The following FAAH2 variants were observed in gnomAD, a reference collection of about 807,000 sequenced individuals.
FAAH2 encodes the protein fatty-acid amide hydrolase 2.
A neutral mutation model predicts 36.9 loss-of-function variants in FAAH2; 60 were observed. The ratio of observed to expected loss-of-function variants is 1.63; its 90% CI spans 1.32 to 2.02. The LOEUF (loss-of-function observed/expected upper bound fraction) is 2.02, where lower values mean the gene tolerates loss of function less well. Among genes scored for constraint, FAAH2 ranks in the 30% most tolerant of loss-of-function variants. The pLI is 0.00. For missense variants in FAAH2, 689 were observed against 397.5 expected (o/e 1.73, Z -6.23); for synonymous variants, 214 against 143.8 (o/e 1.49, Z -3.49).
intron 5 of FAAH2, among the ~76,000 whole-genome samples, chrX:57,369,248 A>G (rs940243434): frequency 1.8e-5 from 2 of 111,251 alleles, no homozygotes; most frequent in African/African-American, 6.5e-5. Flanking sequence ...ATCATTAATC[A>G]AACAAACTTC....
intron 10 of FAAH2, among the ~76,000 whole-genome samples, chrX:57,463,832 G>A (rs1001296236): frequency 7.2e-5 from 8 of 111,813 alleles, no homozygotes; most frequent in African/African-American, 2.6e-4. Flanking sequence ...AACCATTGTG[G>A]AAGGCAGTAT....
chrX:57,224,550 G>A, the FAAH2 span, among the ~76,000 whole-genome samples: 1 of 111,462 alleles, frequency 9.0e-6, no homozygotes, highest in African/African-American at 3.3e-5. Flanking sequence ...GTGTGCACCA[G>A]CAGCGTGCGC....
intron 7 of FAAH2, chrX:57,393,023 T>A (rs747422357): frequency 3.7e-5 from 33 of 887,219 alleles, no homozygotes; most frequent in Non-Finnish European, 5.3e-5. Flanking sequence ...AGCTGCTGGG[T>A]GCTTGTCCTG....
At chrX:57,325,239 G>A (rs970978908) in intron 3 of FAAH2, among the ~76,000 whole-genome samples, 2 of 111,713 alleles carry the variant, frequency 1.8e-5, no homozygotes, top group African/African-American at 6.5e-5. Context: ...GATTCAGTTT[G>A]CCAGTATTTT....
intron 5 of FAAH2, among the ~76,000 whole-genome samples, chrX:57,370,614 G>T (rs796409989): frequency 9.0e-6 from 1 of 111,687 alleles, no homozygotes; most frequent in African/African-American, 3.3e-5. Context: ...TAGACCAGGG[G>T]TCCCCAACCC....
intron 3 of FAAH2, among the ~76,000 whole-genome samples, chrX:57,316,776 T>A (rs1172617932): frequency 9.0e-6 from 1 of 110,943 alleles, no homozygotes; most frequent in Non-Finnish European, 1.9e-5. Flanking sequence ...AAAGTTGAGA[T>A]GAAAACCTAA....
the FAAH2 span, among the ~76,000 whole-genome samples, chrX:57,258,116 G>C: frequency 1.8e-5 from 2 of 111,622 alleles, no homozygotes; most frequent in Admixed American, 1.9e-4. Context: ...CAGTGGAACA[G>C]AATAGAAAGC....
At chrX:57,279,037 C>A in the FAAH2 span, among the ~76,000 whole-genome samples, 1 of 112,176 alleles carries the variant, frequency 8.9e-6, no homozygotes, top group East Asian at 2.8e-4. Context: ...TTGTGGAAGA[C>A]AATGTGGCAA....
chrX:57,375,312 A>C (rs1338113872), intron 5 of FAAH2, among the ~76,000 whole-genome samples: 2 of 101,863 alleles, frequency 2.0e-5, no homozygotes, highest in African/African-American at 7.3e-5. Flanking sequence ...AATTCTTTGA[A>C]TGTCTGGTAG....
chrX:57,178,328 T>A, the FAAH2 span, among the ~76,000 whole-genome samples: 1 of 112,192 alleles, frequency 8.9e-6, no homozygotes, highest in South Asian at 3.7e-4. Context: ...AGTTTTCTTT[T>A]TCCTAAACAC....
chrX:57,383,884 G>A (rs923517675), intron 7 of FAAH2, among the ~76,000 whole-genome samples: 5 of 111,575 alleles, frequency 4.5e-5, no homozygotes, highest in East Asian at 2.8e-4. Flanking sequence ...TAAACCAAAA[G>A]AACAAAGCTG....
the FAAH2 span, among the ~76,000 whole-genome samples, chrX:57,199,873 A>G: frequency 8.9e-6 from 1 of 112,179 alleles, no homozygotes; most frequent in East Asian, 2.8e-4. Flanking sequence ...GTTTTCATCT[A>G]GAAATTTATT....
intron 2 of FAAH2, among the ~76,000 whole-genome samples, chrX:57,296,735 T>A (rs749254564): frequency 3.6e-5 from 4 of 111,211 alleles, no homozygotes; most frequent in Non-Finnish European, 7.5e-5. Flanking sequence ...CTAACTACAA[T>A]AATCAAGGCA....
chrX:57,185,488 CTGTGTGTGTGTGTG>C, the FAAH2 span, among the ~76,000 whole-genome samples: 7 of 94,019 alleles, frequency 7.4e-5, no homozygotes, highest in South Asian at 5.0e-4. Context: ...CTCTCTGTCT[CTGTGTGTGTGTGTG>C]TGTGTGTGTG....
chrX:57,287,922 G>T (rs889910857), intron 1 of FAAH2, among the ~76,000 whole-genome samples: 1 of 111,051 alleles, frequency 9.0e-6, no homozygotes. Context: ...TATTTGTATT[G>T]TACTCCTGGT....
At chrX:57,195,729 GT>G in the FAAH2 span, among the ~76,000 whole-genome samples, 1 of 111,883 alleles carries the variant, frequency 8.9e-6, no homozygotes, top group Non-Finnish European at 1.9e-5. Flanking sequence ...AATTTTTAGG[GT>G]TTCAGGTCTT....
At chrX:57,324,625 G>T (rs2053151802) in intron 3 of FAAH2, among the ~76,000 whole-genome samples, 1 of 111,916 alleles carries the variant, frequency 8.9e-6, no homozygotes, top group Non-Finnish European at 1.9e-5. Flanking sequence ...GTTCACTCAT[G>T]ATTTGGCTCT....
chrX:57,378,928 T>C, intron 6 of FAAH2, 142 bp downstream of exon 6: 3 of 647,296 alleles, frequency 4.6e-6, no homozygotes, highest in South Asian at 6.0e-5. Context: ...TATATACTTA[T>C]ATAAGTGGAT....
At chrX:57,202,461 C>T in the FAAH2 span, among the ~76,000 whole-genome samples, 1 of 111,573 alleles carries the variant, frequency 9.0e-6, no homozygotes, top group Non-Finnish European at 1.9e-5. Context: ...GACTCTTGTT[C>T]TCTTTCTTTA....
Sources: allele counts gnomAD v4.1 joint callset (sites outside exome capture counted in the v4.1 genomes callset), GRCh38; gene constraint gnomAD v4.1.1; transcripts MANE v1.5; gene names NCBI Gene and HGNC (gene_info 2026-07-23, HGNC 2026-07-21).